The following EPB41 variants were observed in gnomAD, a reference collection of about 807,000 sequenced individuals.
EPB41 encodes erythrocyte membrane protein band 4.1.
Under a neutral mutation model 108.0 loss-of-function variants are expected in EPB41, and 65 were observed. That is an observed-to-expected ratio of 0.60 (90% CI 0.49 to 0.74). The LOEUF is 0.74. Ranked by LOEUF, EPB41 falls within the 30% of genes least tolerant of loss-of-function variation. The pLI is 0.00. For synonymous variants in EPB41, 336 were observed against 358.9 expected (o/e 0.94, Z 0.72); for missense variants, 875 against 1,037.0 (o/e 0.84, Z 2.15).
At chr1:29,038,864 C>T (rs989731884) in intron 10 of EPB41, among the ~76,000 whole-genome samples, 2 of 152,196 alleles carry the variant, frequency 1.3e-5, no homozygotes, top group African/African-American at 4.8e-5. Flanking sequence ...GGAAAAAGAG[C>T]TCTGGGCTTC....
chr1:29,047,253 CTTT>C (rs755248112), intron 11 of EPB41, among the ~76,000 whole-genome samples: 3 of 100,520 alleles, frequency 3.0e-5, no homozygotes, highest in African/African-American at 1.0e-4. Flanking sequence ...TCTTTCTTTC[CTTT>C]TTTTTTTTTT....
chr1:28,984,457 G>C (rs566342172), intron 1 of EPB41, among the ~76,000 whole-genome samples: 5 of 152,100 alleles, frequency 3.3e-5, no homozygotes, highest in Non-Finnish European at 7.4e-5. Flanking sequence ...TGATGACATA[G>C]ACCTTGACTG....
chr1:28,960,024 G>C (rs1392925454), intron 1 of EPB41, among the ~76,000 whole-genome samples: 1 of 139,798 alleles, frequency 7.2e-6, no homozygotes, highest in Non-Finnish European at 1.5e-5. Context: ...TTTTGAGACA[G>C]GATCTCACTC....
At chr1:29,032,937 A>G (rs564140300) in intron 8 of EPB41, among the ~76,000 whole-genome samples, 156 bp from the exon 9 acceptor site, 1 of 152,168 alleles carries the variant, frequency 6.6e-6, no homozygotes, top group Non-Finnish European at 1.5e-5. Context: ...ATTTAAACAT[A>G]ATAGGTCCAT....
chr1:29,065,334 T>A, intron 16 of EPB41, 176 bp downstream of exon 16: 1 of 1,224,924 alleles, frequency 8.2e-7, no homozygotes, highest in Non-Finnish European at 1.1e-6. Flanking sequence ...TTAAGTCAGG[T>A]AGGCTACCCA....
rs569090154 is a variant in EPB41, at chr1:29,067,422, G to A, written c.2184+2264G>A. 1.5e-4 allele frequency among the ~76,000 whole-genome samples: 22 copies of A among 150,724 alleles called. No individual in the cohort carries two copies. In the South Asian group the frequency reaches 1.7e-3, roughly 12 times the overall value. Reference sequence around the variant, plus strand: ...GAGGCAGGAGAATGGCGTAAACCTGGGAGGCGGAGCTTGCAGTGAGCCGAG... The same window carrying A: ...GAGGCAGGAGAATGGCGTAAACCTGAGAGGCGGAGCTTGCAGTGAGCCGAG... On this transcript the variant is annotated intron_variant, in intron 16 of 20. Coordinates refer to ENST00000343067, the MANE Select transcript of EPB41 (RefSeq NM_001376013.1).
At chr1:28,909,782 G>A, upstream of EPB41, among the ~76,000 whole-genome samples, 1 of 151,838 alleles carries the variant, frequency 6.6e-6, no homozygotes, top group Non-Finnish European at 1.5e-5. Flanking sequence ...GGGTGACAGA[G>A]TGAGATCTTG....
Position 28,887,264 on chromosome 1 carries a change from A to T in EPB41, c.-8+54A>T. The T allele has an allele frequency of 7.9e-7, 1 of 1,266,602 alleles. No homozygotes were observed. The highest frequency in any genetic ancestry group is 1.0e-6 in the Non-Finnish European group (1 of 978,120). 78.5% of individuals were successfully genotyped at this position (1,266,602 alleles called of 1,614,324 possible). The stretch of plus-strand genomic sequence containing the variant: ...CTCGGTCCCCGGGAGGGACGGGGTT[A>T]GGGACAGAAGAACCTACCCCCAAGG... On this transcript the variant is annotated intron_variant, in intron 1 of 16. Transcript: ENST00000347529. The surrounding 1 kb of genome is among the most constrained non-coding windows in gnomAD (Gnocchi z 4.9).
chr1:29,084,584 A>G (rs556018151), intron 16 of EPB41, among the ~76,000 whole-genome samples: 4 of 152,366 alleles, frequency 2.6e-5, no homozygotes, highest in African/African-American at 9.6e-5. Flanking sequence ...AGTAATTTCA[A>G]GGAGCAAATG....
chr1:29,111,997 A>G (rs995075307), intron 18 of EPB41, among the ~76,000 whole-genome samples: 1 of 151,870 alleles, frequency 6.6e-6, no homozygotes, highest in Non-Finnish European at 1.5e-5. Flanking sequence ...AAAAACAAAG[A>G]TTTTAATAAT....
chr1:29,031,022 C>T (rs893811359), intron 8 of EPB41, among the ~76,000 whole-genome samples: 3 of 151,942 alleles, frequency 2.0e-5, no homozygotes, highest in Admixed American at 6.6e-5. Flanking sequence ...GGGGTTTCAC[C>T]GTGGTCTCGA....
intron 17 of EPB41, 137 bp downstream of exon 17, chr1:29,098,072 C>A: frequency 1.6e-6 from 2 of 1,281,530 alleles, no homozygotes; most frequent in Non-Finnish European, 2.2e-6. Context: ...GATTACTGGT[C>A]TAAGAAGGTC....
chr1:28,930,767 G>T (rs898915228), intron 1 of EPB41, among the ~76,000 whole-genome samples: 1 of 152,296 alleles, frequency 6.6e-6, no homozygotes, highest in Middle Eastern at 3.4e-3. Context: ...TTACAGGCGT[G>T]AGCCACCGCA....
intron 1 of EPB41, among the ~76,000 whole-genome samples, chr1:28,944,932 T>C (rs1405877950): frequency 6.6e-6 from 1 of 151,324 alleles, no homozygotes; most frequent in African/African-American, 2.4e-5. Context: ...CTACCAAAAA[T>C]ACAAAAAAAT....
In EPB41 at chr1:29,011,996, TTAGAATCC is replaced by T. The variant is rs150382116; in HGVS notation, c.829+91_829+98del. ...CATTTCTGGCTGTGAGTCAGTCACTTTAGAATCCTGACTACTGCAGATTGCTTTGAAAT... is the reference window on the plus strand; with the variant it reads ...CATTTCTGGCTGTGAGTCAGTCACTTTGACTACTGCAGATTGCTTTGAAAT... On this transcript the variant is annotated intron_variant, in intron 5 of 20. Transcript: ENST00000343067. The T allele has an allele frequency of 1.1e-3, 1,535 of 1,423,360 alleles. 3 individuals carry two copies. The highest frequency in any genetic ancestry group is 1.5e-3 in the Admixed American group (85 of 58,542). 88.2% of individuals were successfully genotyped at this position (1,423,360 alleles called of 1,614,324 possible).
At chr1:29,091,620 G>A (rs559121908) in intron 16 of EPB41, among the ~76,000 whole-genome samples, 6 of 152,200 alleles carry the variant, frequency 3.9e-5, no homozygotes, top group Non-Finnish European at 7.4e-5. Context: ...GTATATTATT[G>A]TATTTTATCT....
intron 1 of EPB41, among the ~76,000 whole-genome samples, chr1:28,921,938 TTA>T (rs66808636): frequency 0.28 from 28,413 of 102,602 alleles, 4,653 homozygotes; most frequent in Admixed American, 0.34. Context: ...TTATGAAATT[TTA>T]TATATATATA....
intron 1 of EPB41, among the ~76,000 whole-genome samples, chr1:28,932,155 C>T (rs1236163870): frequency 6.6e-6 from 1 of 152,084 alleles, no homozygotes; most frequent in African/African-American, 2.4e-5. Flanking sequence ...TGGAGTCTTG[C>T]TCTGTTGCCC....
intron 1 of EPB41, among the ~76,000 whole-genome samples, chr1:28,958,933 A>G (rs769915251): frequency 6.6e-6 from 1 of 152,094 alleles, no homozygotes; most frequent in Admixed American, 6.6e-5. Flanking sequence ...ATTAATTCTG[A>G]CTGTAAGGAT....
Sources: allele counts gnomAD v4.1 joint callset (sites outside exome capture counted in the v4.1 genomes callset), GRCh38; gene constraint gnomAD v4.1.1; non-coding constraint Gnocchi (gnomAD v3.1); transcripts MANE v1.5; gene names NCBI Gene and HGNC (gene_info 2026-07-23, HGNC 2026-07-21).